The following LRP1B variants were observed in gnomAD, a reference collection of about 807,000 sequenced individuals.
LRP1B encodes the protein low-density lipoprotein receptor-related protein 1B.
Under a neutral mutation model 556.6 loss-of-function variants are expected in LRP1B, and 217 were observed. That is an observed-to-expected ratio of 0.39 (90% CI 0.35 to 0.44). LRP1B has a LOEUF of 0.44. Ranked by LOEUF, LRP1B falls within the 20% of genes least tolerant of loss-of-function variation. LRP1B has a pLI of 1.00. For synonymous variants in LRP1B, 2,047 were observed against 1,865.8 expected (o/e 1.10, Z -2.50); for missense variants, 5,053 against 5,620.8 (o/e 0.90, Z 3.23).
At chr2:141,014,735 A>G (rs937189927) in intron 13 of LRP1B, among the ~76,000 whole-genome samples, 2 of 152,068 alleles carry the variant, frequency 1.3e-5, no homozygotes, top group South Asian at 4.1e-4. Context: ...TGAAAGTATT[A>G]TGTTTATTGT....
intron 89 of LRP1B, 37 bp downstream of exon 89, chr2:140,238,115 G>T: frequency 6.5e-7 from 1 of 1,536,690 alleles, no homozygotes; most frequent in Non-Finnish European, 8.8e-7. Context: ...ACTCAAGAAT[G>T]TTAGTGCTCA....
intron 1 of LRP1B, among the ~76,000 whole-genome samples, chr2:141,909,524 ACATTTTTTTTTTTTTTTTTT>A (rs1699849711): frequency 9.6e-6 from 1 of 104,486 alleles, no homozygotes; most frequent in Non-Finnish European, 1.9e-5. Context: ...AAGGTCTCAG[ACATTTTTTTTTTTTTTTTTT>A]TTTTTTTTTT....
rs1467698036 is a variant in LRP1B, at chr2:140,736,215, C to T, written c.5759-19399G>A. ...GAAAACCCACCGAAGTATTATGTTC[C>T]ATGGGAAGCTTCAGGGGACATGCCA... On this transcript the variant is annotated intron_variant, in intron 35 of 90. Transcript: ENST00000389484. 3.9e-5 allele frequency among the ~76,000 whole-genome samples: 6 copies of T among 152,018 alleles called. No individual in the cohort carries two copies. In the East Asian group the frequency reaches 1.2e-3, roughly 29 times the overall value.
chr2:141,860,703 C>G (rs1698211301), intron 1 of LRP1B, among the ~76,000 whole-genome samples: 1 of 152,068 alleles, frequency 6.6e-6, no homozygotes, highest in Non-Finnish European at 1.5e-5. Flanking sequence ...TAATGAAACA[C>G]TAAGGGAAAT....
intron 55 of LRP1B, among the ~76,000 whole-genome samples, chr2:140,498,936 T>C (rs546732316): frequency 6.2e-4 from 95 of 152,038 alleles, no homozygotes; most frequent in Admixed American, 2.2e-3. Flanking sequence ...AGGTGTTTTA[T>C]ATTATTAACT....
At chr2:141,495,559 A>G (rs1683481251) in intron 2 of LRP1B, among the ~76,000 whole-genome samples, 1 of 152,138 alleles carries the variant, frequency 6.6e-6, no homozygotes, top group African/African-American at 2.4e-5. Flanking sequence ...TAAAAATTCC[A>G]AAAAAGTAGA....
chr2:141,966,255 C>T (rs1275240472), intron 1 of LRP1B, among the ~76,000 whole-genome samples: 2 of 151,796 alleles, frequency 1.3e-5, no homozygotes, highest in South Asian at 2.1e-4. Flanking sequence ...AGTCGTTTTC[C>T]CTCTACTAGA....
chr2:140,520,677 A>T (rs1416209556), intron 49 of LRP1B, among the ~76,000 whole-genome samples: 3 of 151,090 alleles, frequency 2.0e-5, no homozygotes, highest in Non-Finnish European at 2.9e-5. Flanking sequence ...TATATAATTA[A>T]TTTTTTTAAT....
chr2:140,345,389 A>G (rs1461785994), intron 77 of LRP1B, among the ~76,000 whole-genome samples: 1 of 149,606 alleles, frequency 6.7e-6, no homozygotes, highest in Admixed American at 6.7e-5. Context: ...TCCTCAAAAT[A>G]CTCTCCTCTC....
At position 141,586,941 on chromosome 2, in the gene LRP1B, C is replaced by CAAAAAAAAA. The variant is rs769891211; in HGVS notation, c.206-106417_206-106409dup. 1.6e-3 allele frequency among the ~76,000 whole-genome samples: 113 copies of CAAAAAAAAA among 71,450 alleles called. 2 individuals carry two copies. The highest frequency in any genetic ancestry group is 2.4e-3 in the Non-Finnish European group (90 of 37,480). The allele number at this position is 71,450 out of a possible 152,430, so 46.9% of individuals were successfully genotyped here. On this transcript the variant is annotated intron_variant, in intron 2 of 90. Coordinates refer to ENST00000389484, the MANE Select transcript of LRP1B (RefSeq NM_018557.3). ...TGGGCGACAGAGTGAGACTCCATCT[C>CAAAAAAAAA]AAAAAAAAAAGAAAAAAAAAAAAAG... is the stretch of plus-strand genomic sequence containing the variant.
chr2:140,520,798 G>GAAAAAAAAAAAAA (rs757383865), intron 49 of LRP1B, among the ~76,000 whole-genome samples: 10 of 86,432 alleles, frequency 1.2e-4, no homozygotes, highest in Admixed American at 1.5e-4. Context: ...TAAGAAAACA[G>GAAAAAAAAAAAAA]AAAAAAAAAA....
chr2:141,311,317 C>A (rs1686805606), intron 3 of LRP1B, among the ~76,000 whole-genome samples: 1 of 152,146 alleles, frequency 6.6e-6, no homozygotes, highest in Admixed American at 6.5e-5. Context: ...AATTCTACAC[C>A]TTCAAATGAA....
intron 21 of LRP1B, among the ~76,000 whole-genome samples, chr2:140,922,706 T>G (rs1261299122): frequency 4.6e-5 from 7 of 151,966 alleles, no homozygotes; most frequent in Admixed American, 4.6e-4. Flanking sequence ...AAATCCTAAG[T>G]CTGACATGTT....
At chr2:140,638,468 T>C (rs980029531) in intron 41 of LRP1B, among the ~76,000 whole-genome samples, 1 of 152,154 alleles carries the variant, frequency 6.6e-6, no homozygotes, top group Non-Finnish European at 1.5e-5. Flanking sequence ...AAATAGAGTA[T>C]GGCACATGGT....
At chr2:141,100,923 T>A (rs112593676) in intron 7 of LRP1B, among the ~76,000 whole-genome samples, 1 of 152,008 alleles carries the variant, frequency 6.6e-6, no homozygotes, top group Non-Finnish European at 1.5e-5. Flanking sequence ...AAGTTGTTCA[T>A]AAAAATTTTT....
intron 35 of LRP1B, among the ~76,000 whole-genome samples, chr2:140,728,959 A>G (rs1481502211): frequency 1.3e-5 from 2 of 152,210 alleles, no homozygotes; most frequent in African/African-American, 2.4e-5. Context: ...ATCAACTATC[A>G]TAAACTTTAA....
At chr2:141,054,294 T>C (rs551287788) in intron 10 of LRP1B, among the ~76,000 whole-genome samples, 1 of 151,980 alleles carries the variant, frequency 6.6e-6, no homozygotes, top group South Asian at 2.1e-4. Flanking sequence ...AAAGACAAAC[T>C]GGACACTGTA....
intron 7 of LRP1B, among the ~76,000 whole-genome samples, chr2:141,124,664 GAAAAAA>G (rs570765407): frequency 4.1e-5 from 3 of 73,694 alleles, no homozygotes; most frequent in South Asian, 1.1e-3. Context: ...AGTGACAAAT[GAAAAAA>G]AAAAAAAAAA....
intron 5 of LRP1B, among the ~76,000 whole-genome samples, chr2:141,237,633 C>T (rs10496873): frequency 0.11 from 16,683 of 152,066 alleles, 1,017 homozygotes; most frequent in East Asian, 0.16. Flanking sequence ...AGTGAAATAC[C>T]GGTACCTTCA....
Sources: gnomAD v4.1 joint callset for allele counts (sites outside exome capture counted in the v4.1 genomes callset) on GRCh38, gnomAD v4.1.1 for gene constraint, MANE v1.5 for transcripts, NCBI Gene and HGNC (gene_info 2026-07-23, HGNC 2026-07-21) for gene names.